COL4A1: variants seen among roughly 807,000 people sequenced by gnomAD.
COL4A1 encodes collagen alpha-1(IV) chain.
Under a neutral mutation model 216.6 loss-of-function variants are expected in COL4A1, and 40 were observed. The ratio of observed to expected loss-of-function variants is 0.18; its 90% CI spans 0.14 to 0.24. The LOEUF (loss-of-function observed/expected upper bound fraction) is 0.24, where lower values mean the gene tolerates loss of function less well. COL4A1 is among the 10% of genes least tolerant of loss of function. The pLI is 1.00. For synonymous variants in COL4A1, 839 were observed against 810.7 expected, an observed-to-expected ratio of 1.03 and a Z score of -0.59; for missense variants, 1,628 against 2,196.8, an observed-to-expected ratio of 0.74 and a Z score of 5.18.
chr13:110,245,915 GCCTT>G (rs1051417622), intron 1 of COL4A1, among the ~76,000 whole-genome samples: 1 of 152,108 alleles, frequency 6.6e-6, no homozygotes, highest in African/African-American at 2.4e-5. Flanking sequence ...CCCGACCCCG[GCCTT>G]CCCCCACCAC....
chr13:110,176,265 G>A (rs1407766874), intron 36 of COL4A1, among the ~76,000 whole-genome samples, 159 bp downstream of exon 36: 1 of 152,200 alleles, frequency 6.6e-6, no homozygotes, highest in Non-Finnish European at 1.5e-5. Flanking sequence ...ATCCATCCCT[G>A]AGCAGGAGAC....
At chr13:110,206,431 A>T (rs1879518175) in intron 15 of COL4A1, among the ~76,000 whole-genome samples, 1 of 152,236 alleles carries the variant, frequency 6.6e-6, no homozygotes, top group Non-Finnish European at 1.5e-5. Context: ...CTCTCTGAAC[A>T]GCCGGCGGTG....
chr13:110,270,922 C>T (rs1311496517), intron 1 of COL4A1, among the ~76,000 whole-genome samples: 1 of 152,062 alleles, frequency 6.6e-6, no homozygotes, highest in African/African-American at 2.4e-5. Flanking sequence ...AGGGAGAGAA[C>T]AAAGTGAGCC....
In COL4A1 at chr13:110,205,346, C is replaced by T. The variant is rs58908343; in HGVS notation, c.957+7G>A. The T allele has an allele frequency of 9.9e-5, 159 of 1,613,998 alleles. No individual in the cohort carries two copies. The African/African-American group carries it at 1.8e-3, about 18-fold the overall frequency. ...AGATAAAGGCTCACAATAGTGCCAG[C>T]GTTTACCTGCGGGCCCTGGCGGCCT... On this transcript the variant is annotated splice_region_variant and intron_variant, in intron 17 of 51. Transcript: ENST00000375820.
At chr13:110,214,527 G>T (rs1594588585) in intron 2 of COL4A1, among the ~76,000 whole-genome samples, 1 of 152,172 alleles carries the variant, frequency 6.6e-6, no homozygotes, top group East Asian at 1.9e-4. Context: ...CAGTAAGGAA[G>T]ATCTGCCCTC....
At chr13:110,242,167 G>A (rs1178323704) in intron 2 of COL4A1, among the ~76,000 whole-genome samples, 4 of 152,172 alleles carry the variant, frequency 2.6e-5, no homozygotes, top group Non-Finnish European at 5.9e-5. Context: ...GAGGGGAACA[G>A]TTTGCTTGCA....
chr13:110,270,666 C>T (rs1399256357), intron 1 of COL4A1, among the ~76,000 whole-genome samples: 1 of 152,174 alleles, frequency 6.6e-6, no homozygotes, highest in Non-Finnish European at 1.5e-5. Context: ...TCCACACAGC[C>T]TCTCCACCAT....
chr13:110,238,148 C>G (rs1175962402), intron 2 of COL4A1, among the ~76,000 whole-genome samples: 1 of 152,202 alleles, frequency 6.6e-6, no homozygotes, highest in Admixed American at 6.5e-5. Flanking sequence ...TTAGTAATAA[C>G]AGGATAATGT....
Position 110,233,618 on chromosome 13 carries a change from C to T in COL4A1, c.144+9057G>A, listed in dbSNP as rs146352410. ...AGCTGTTGGCAACAAAAACTCGCAG[C>T]GGTATTTGGAAAAGTTGGGGAGTTG... is the stretch of plus-strand genomic sequence containing the variant. On this transcript the variant is annotated intron_variant, in intron 2 of 51. Transcript: ENST00000375820. 2.3e-3 allele frequency among the ~76,000 whole-genome samples: 350 copies of T among 152,214 alleles called. 1 individual carries two copies. The highest frequency in any genetic ancestry group is 8.0e-3 in the African/African-American group (331 of 41,514).
chr13:110,182,146 C>T (rs1190101057), intron 28 of COL4A1, among the ~76,000 whole-genome samples: 2 of 152,172 alleles, frequency 1.3e-5, no homozygotes, highest in Non-Finnish European at 2.9e-5. Context: ...GAGGCCTCAG[C>T]GCCTGGCCCT....
At chr13:110,164,091 C>A (rs576504704) in intron 46 of COL4A1, among the ~76,000 whole-genome samples, 2 of 148,638 alleles carry the variant, frequency 1.3e-5, no homozygotes, top group African/African-American at 4.9e-5. Flanking sequence ...CGGGCTCAAG[C>A]GATTCTCCTA....
At chr13:110,160,657 G>T (rs1381198053) in intron 49 of COL4A1, among the ~76,000 whole-genome samples, 1 of 152,190 alleles carries the variant, frequency 6.6e-6, no homozygotes, top group Non-Finnish European at 1.5e-5. Flanking sequence ...ATCTCTGCAA[G>T]CCTGGCATTA....
rs1388011423 is a variant in COL4A1, at chr13:110,178,956, G to T, written c.2425C>A (p.Pro809Thr). ...PGIGPPGARG[P>T]PGGQGPPGLS... Reference sequence around the variant, plus strand: ...CCCGGTGGTCCCTGTCCTCCAGGGGGACCCCTAGCTCCAGGGGGGCCTATT... The same window carrying T: ...CCCGGTGGTCCCTGTCCTCCAGGGGTACCCCTAGCTCCAGGGGGGCCTATT... Residue 809 changes from proline to threonine, a missense_variant, in exon 31 of 52, where the codon CCC becomes ACC. This residue lies in a region of COL4A1 where 701 missense variants were observed against 892.5 expected (regional missense o/e 0.79). Coordinates refer to ENST00000375820, the MANE Select transcript of COL4A1 (RefSeq NM_001845.6). 6 of 1,612,292 alleles carry T rather than the reference G, an allele frequency of 3.7e-6. No homozygotes were observed. In the East Asian group the frequency reaches 1.3e-4, roughly 36 times the overall value.
intron 46 of COL4A1, 89 bp downstream of exon 46, chr13:110,164,773 A>G (rs928253708): frequency 2.6e-6 from 4 of 1,544,554 alleles, no homozygotes; most frequent in Admixed American, 2.0e-5. Context: ...TTACCCAGAA[A>G]CTTATTTTAG....
chr13:110,295,509 T>C (rs1474936858), intron 1 of COL4A1, among the ~76,000 whole-genome samples: 1 of 138,330 alleles, frequency 7.2e-6, no homozygotes, highest in Non-Finnish European at 1.5e-5. Flanking sequence ...CATTGCAACC[T>C]CCACCTCCCC....
In COL4A1 at chr13:110,161,378, GGAA is replaced by G; in HGVS notation, c.4463-12_4463-10del. On this transcript the variant is annotated splice_polypyrimidine_tract_variant and intron_variant, in intron 48 of 51. Transcript: ENST00000375820. ...GCAGCTGCCGGCCGTGCCTAGACAA[GGAA>G]GAAGACAATGTGAGATGTTTCCTTT... 6.2e-7 allele frequency: 1 copy of G among 1,604,432 alleles called. No individual in the cohort carries two copies. The highest frequency in any genetic ancestry group is 2.2e-5 in the East Asian group (1 of 44,612).
At chr13:110,179,580 C>T (rs1364083985) in intron 29 of COL4A1, among the ~76,000 whole-genome samples, 159 bp from the exon 30 acceptor site, 1 of 152,180 alleles carries the variant, frequency 6.6e-6, no homozygotes, top group African/African-American at 2.4e-5. Context: ...CTTCCTCATA[C>T]CTATTATATC....
intron 2 of COL4A1, among the ~76,000 whole-genome samples, chr13:110,222,508 T>C (rs2139220322): frequency 6.6e-6 from 1 of 151,060 alleles, no homozygotes; most frequent in Admixed American, 6.7e-5. Context: ...GCGCGGTGGC[T>C]CACGCCTGTA....
Position 110,207,433 on chromosome 13 carries a change from T to C in COL4A1, c.750A>G (p.Glu250=). The change falls in exon 13 of 52, where the codon GAA becomes GAG. Residue 250 remains glutamate, a synonymous_variant. Coordinates refer to ENST00000375820, the MANE Select transcript of COL4A1 (RefSeq NM_001845.6). The surrounding 1 kb of genome is among the most constrained non-coding windows in gnomAD (Gnocchi z 4.4). ...PGVPGQAQVQ[E]KGDFATKGEK... ...CTCCCTTGGTGGCGAAGTCTCCTTT[T>C]TCTTGAACTTGAGCTTGTCCTGGTA... 1 of 1,614,172 alleles carries C rather than the reference T, an allele frequency of 6.2e-7. No individual in the cohort carries two copies. The highest frequency in any genetic ancestry group is 8.5e-7 in the Non-Finnish European group (1 of 1,180,028).
Sources: gnomAD v4.1 joint callset for allele counts (sites outside exome capture counted in the v4.1 genomes callset) on GRCh38, gnomAD v4.1.1 for gene constraint, gnomAD v4.1.1 regional missense constraint, Gnocchi (gnomAD v3.1) non-coding constraint, MANE v1.5 for transcripts, NCBI Gene and HGNC (gene_info 2026-07-23, HGNC 2026-07-21) for gene names.